The following GAS2 variants were observed in gnomAD, a reference collection of about 807,000 sequenced individuals.
GAS2 encodes growth arrest specific 2.
In GAS2, 20 loss-of-function variants were observed where a neutral mutation model predicts 37.5. The observed-to-expected ratio is 0.53, with a 90% CI of 0.37 to 0.77. The LOEUF is 0.77. Among genes scored for constraint, GAS2 ranks in the 30% least tolerant of loss-of-function variants. The pLI is 0.00. For synonymous variants in GAS2, 144 were observed against 132.2 expected (o/e 1.09, Z -0.61); for missense variants, 336 against 373.4 (o/e 0.90, Z 0.82).
At chr11:22,649,241 C>A (rs1671666799) in intron 1 of GAS2, among the ~76,000 whole-genome samples, 1 of 152,100 alleles carries the variant, frequency 6.6e-6, no homozygotes, top group Non-Finnish European at 1.5e-5. Flanking sequence ...GTATATTGAA[C>A]CAGCCTTGCA....
intron 3 of GAS2, among the ~76,000 whole-genome samples, chr11:22,690,684 G>A (rs1361074688): frequency 6.6e-6 from 1 of 152,038 alleles, no homozygotes; most frequent in Non-Finnish European, 1.5e-5. Flanking sequence ...ATTGTTTTAG[G>A]ATGAGAAAAC....
At chr11:22,660,593 C>G (rs1002549215) in intron 1 of GAS2, among the ~76,000 whole-genome samples, 1 of 152,154 alleles carries the variant, frequency 6.6e-6, no homozygotes, top group African/African-American at 2.4e-5. Context: ...AGCAAAGAAG[C>G]TGGAAGTGGA....
intron 1 of GAS2, among the ~76,000 whole-genome samples, chr11:22,652,550 C>A (rs950161719): frequency 5.3e-5 from 8 of 152,226 alleles, no homozygotes; most frequent in Admixed American, 5.2e-4. Context: ...TGATCTCAGA[C>A]TGCTGTACTA....
chr11:22,771,341 T>C (rs1854971420), intron 7 of GAS2, among the ~76,000 whole-genome samples: 1 of 152,158 alleles, frequency 6.6e-6, no homozygotes, highest in South Asian at 2.1e-4. Context: ...TTCAAATATT[T>C]GGAACAATAC....
At chr11:22,626,112 T>C (rs1467197812) in intron 1 of GAS2, 2 of 460,014 alleles carry the variant, frequency 4.3e-6, no homozygotes, top group Non-Finnish European at 4.0e-6. Flanking sequence ...CGCGCTTCCT[T>C]TCGCTTTGGA....
At chr11:22,798,181 T>G (rs998139924) in intron 7 of GAS2, among the ~76,000 whole-genome samples, 6 of 152,044 alleles carry the variant, frequency 3.9e-5, no homozygotes, top group Non-Finnish European at 5.9e-5. Context: ...GCTCCAAGGA[T>G]TAAATGAAAT....
intron 3 of GAS2, among the ~76,000 whole-genome samples, chr11:22,720,492 T>A (rs1390524166): frequency 6.6e-6 from 1 of 152,096 alleles, no homozygotes; most frequent in Non-Finnish European, 1.5e-5. Context: ...GTTAGATACC[T>A]TGATACTATG....
intron 7 of GAS2, among the ~76,000 whole-genome samples, chr11:22,790,338 T>C (rs529120807): frequency 5.6e-4 from 86 of 152,340 alleles, no homozygotes; most frequent in South Asian, 5.4e-3. Flanking sequence ...TGTGCACATG[T>C]ACCCTAAAAC....
chr11:22,697,136 G>A lies in GAS2; in HGVS notation c.267+11347G>A, dbSNP rs182792067. ...AATTTTTGTGTAAGGTGTAAGGAAG[G>A]AATCCAATTTTAGCTTTCTACATAT... On this transcript the variant is annotated intron_variant, in intron 3 of 7. Coordinates refer to ENST00000454584, the MANE Select transcript of GAS2 (RefSeq NM_001143830.3). Among the ~76,000 whole-genome samples the A allele has an allele frequency of 2.3e-4, 35 of 152,310 alleles. No individual in the cohort carries two copies. In the South Asian group the frequency reaches 2.9e-3, roughly 13 times the overall value.
At chr11:22,664,776 A>G (rs1231466043), upstream of GAS2, among the ~76,000 whole-genome samples, 2 of 152,126 alleles carry the variant, frequency 1.3e-5, no homozygotes, top group Non-Finnish European at 2.9e-5. Flanking sequence ...AAAACAAGAT[A>G]AAAATCAAAT....
At chr11:22,631,241 G>C (rs981203143) in intron 1 of GAS2, among the ~76,000 whole-genome samples, 1 of 152,092 alleles carries the variant, frequency 6.6e-6, no homozygotes, top group Admixed American at 6.6e-5. Flanking sequence ...GAAGTCTTTG[G>C]GGTTTCCTAG....
intron 1 of GAS2, among the ~76,000 whole-genome samples, chr11:22,644,400 T>TA (rs1423268183): frequency 6.6e-6 from 1 of 152,194 alleles, no homozygotes; most frequent in African/African-American, 2.4e-5. Flanking sequence ...AGTATTGTTT[T>TA]TATCAGTTAA....
chr11:22,733,958 A>G (rs1471616929), intron 4 of GAS2, among the ~76,000 whole-genome samples: 3 of 151,738 alleles, frequency 2.0e-5, no homozygotes, highest in Non-Finnish European at 4.4e-5. Flanking sequence ...TCAAGTGGGG[A>G]AAATGTCTCC....
chr11:22,796,699 A>C (rs1055618771), intron 7 of GAS2, among the ~76,000 whole-genome samples: 6 of 152,124 alleles, frequency 3.9e-5, no homozygotes, highest in African/African-American at 1.2e-4. Flanking sequence ...ACTCAAGGGG[A>C]CATCAGTTTG....
intron 7 of GAS2, among the ~76,000 whole-genome samples, chr11:22,757,830 G>A (rs964779682): frequency 7.2e-5 from 11 of 151,992 alleles, no homozygotes; most frequent in African/African-American, 2.4e-4. Context: ...CTATCCTTTG[G>A]CTTGTCATAA....
intron 1 of GAS2, among the ~76,000 whole-genome samples, chr11:22,633,894 C>G (rs747234055): frequency 5.9e-5 from 9 of 152,184 alleles, no homozygotes; most frequent in Admixed American, 1.3e-4. Flanking sequence ...GGCACTCCTC[C>G]TGTGGGGATG....
intron 2 of GAS2, among the ~76,000 whole-genome samples, chr11:22,679,576 T>C (rs1432664662): frequency 1.3e-5 from 2 of 152,106 alleles, no homozygotes; most frequent in African/African-American, 2.4e-5. Context: ...TTTAAGAATA[T>C]TATTGGCTTG....
intron 7 of GAS2, among the ~76,000 whole-genome samples, chr11:22,771,868 G>A (rs1046261173): frequency 2.6e-5 from 4 of 152,124 alleles, no homozygotes; most frequent in African/African-American, 7.2e-5. Context: ...CTGTTAGAAA[G>A]CTTGAGGATT....
chr11:22,723,916 G>C (rs1852064506), intron 3 of GAS2, among the ~76,000 whole-genome samples: 1 of 151,228 alleles, frequency 6.6e-6, no homozygotes. Context: ...TGGTAGTATT[G>C]ATAAAATATA....
Sources: allele counts gnomAD v4.1 joint callset (sites outside exome capture counted in the v4.1 genomes callset), GRCh38; gene constraint gnomAD v4.1.1; transcripts MANE v1.5; gene names NCBI Gene and HGNC (gene_info 2026-07-23, HGNC 2026-07-21).